The following MCC variants were observed in gnomAD, a reference collection of about 807,000 sequenced individuals.
MCC encodes the protein MCC regulator of Wnt signaling pathway.
A neutral mutation model predicts 116.2 loss-of-function variants in MCC; 90 were observed. The observed-to-expected ratio is 0.77, with a 90% CI of 0.65 to 0.92. The LOEUF (loss-of-function observed/expected upper bound fraction) is 0.92. Ranked by LOEUF, MCC falls within the 40% of genes least tolerant of loss-of-function variation. The pLI is 0.00. For missense variants in MCC, 1,516 were observed against 1,312.2 expected (o/e 1.16, Z -2.40); for synonymous variants, 578 against 510.5 (o/e 1.13, Z -1.78).
At chr5:113,454,479 G>A (rs1389284634) in intron 1 of MCC, among the ~76,000 whole-genome samples, 1 of 152,038 alleles carries the variant, frequency 6.6e-6, no homozygotes, top group Non-Finnish European at 1.5e-5. Context: ...TGATTGCCTT[G>A]AAAAGGTGTC....
In MCC at chr5:113,034,471, AATTGAGGAGCTGCAGG is replaced by A. The variant is rs527689409; in HGVS notation, c.2757-5431_2757-5416del. 1.6e-3 allele frequency among the ~76,000 whole-genome samples: 239 copies of A among 152,332 alleles called. 1 individual carries two copies. The highest frequency in any genetic ancestry group is 3.6e-3 in the Admixed American group (55 of 15,298). On this transcript the variant is annotated intron_variant, in intron 17 of 18. Transcript: ENST00000408903. ...CAGCGGTACTCTGTGATTAGAGTCC[AATTGAGGAGCTGCAGG>A]AGTCATCGGGCGAGAGCCCAGTCTC...
chr5:113,066,652 C>A (rs1276873188), intron 13 of MCC, among the ~76,000 whole-genome samples: 1 of 152,188 alleles, frequency 6.6e-6, no homozygotes, highest in African/African-American at 2.4e-5. Flanking sequence ...AAGGAGGAAA[C>A]ACATGTGAGT....
chr5:113,063,623 T>C (rs1753375732), intron 14 of MCC, among the ~76,000 whole-genome samples: 1 of 152,188 alleles, frequency 6.6e-6, no homozygotes, highest in South Asian at 2.1e-4. Flanking sequence ...AGCAAACGGC[T>C]CTTGGCTACC....
At chr5:113,330,375 C>G (rs1767669931) in intron 3 of MCC, among the ~76,000 whole-genome samples, 1 of 152,198 alleles carries the variant, frequency 6.6e-6, no homozygotes, top group Non-Finnish European at 1.5e-5. Flanking sequence ...ATTCCTGTAC[C>G]TTTTTTCTCC....
chr5:113,342,766 C>T (rs944016640), intron 2 of MCC, among the ~76,000 whole-genome samples: 1 of 152,210 alleles, frequency 6.6e-6, no homozygotes, highest in Non-Finnish European at 1.5e-5. Flanking sequence ...CCTCTAGCTG[C>T]AAGGAAAGCT....
chr5:113,310,084 C>T (rs771203203), intron 3 of MCC, among the ~76,000 whole-genome samples: 66 of 152,170 alleles, frequency 4.3e-4, no homozygotes, highest in Non-Finnish European at 7.9e-4. Context: ...ACTCTTGGCC[C>T]TTCAGAGCCT....
chr5:113,164,358 T>C (rs1760660988), intron 3 of MCC, among the ~76,000 whole-genome samples: 1 of 152,208 alleles, frequency 6.6e-6, no homozygotes. Flanking sequence ...ATTGGTCTAG[T>C]TCCACAAGTA....
At chr5:113,311,554 C>T (rs180964531) in intron 3 of MCC, among the ~76,000 whole-genome samples, 1 of 152,222 alleles carries the variant, frequency 6.6e-6, no homozygotes, top group South Asian at 2.1e-4. Flanking sequence ...CCCTGCCGAC[C>T]TGCAACTGAC....
At chr5:113,054,032 C>A (rs1195329690) in intron 14 of MCC, 73 bp from the exon 15 acceptor site, 2 of 1,047,672 alleles carry the variant, frequency 1.9e-6, no homozygotes, top group South Asian at 1.4e-5. Flanking sequence ...CTTTCCTCCT[C>A]ACTCTTCTCC....
At chr5:113,431,106 G>A (rs924065819) in intron 1 of MCC, among the ~76,000 whole-genome samples, 1 of 152,142 alleles carries the variant, frequency 6.6e-6, no homozygotes, top group African/African-American at 2.4e-5. Context: ...TGCTGAGGGA[G>A]AAAGGAAGGG....
At chr5:113,047,466 G>C (rs1462947706) in intron 16 of MCC, among the ~76,000 whole-genome samples, 3 of 152,234 alleles carry the variant, frequency 2.0e-5, no homozygotes, top group Non-Finnish European at 4.4e-5. Flanking sequence ...GAAGGGTGTA[G>C]CTGTGGCCAT....
intron 8 of MCC, among the ~76,000 whole-genome samples, chr5:113,099,899 C>A (rs941496047): frequency 6.6e-6 from 1 of 152,240 alleles, no homozygotes; most frequent in South Asian, 2.1e-4. Flanking sequence ...CATGCACCAT[C>A]AGAATGCACA....
intron 17 of MCC, among the ~76,000 whole-genome samples, chr5:113,041,304 C>T (rs137999900): frequency 1.1e-4 from 17 of 152,298 alleles, no homozygotes; most frequent in Admixed American, 1.1e-3. Flanking sequence ...TCCCCTCCAA[C>T]CCTAAATCCC....
At chr5:113,224,708 G>T (rs976270872) in intron 3 of MCC, among the ~76,000 whole-genome samples, 5 of 152,156 alleles carry the variant, frequency 3.3e-5, no homozygotes, top group Non-Finnish European at 7.4e-5. Context: ...TGAAAGGTCA[G>T]GAAAAGGACT....
At chr5:113,227,941 C>A (rs1763806422) in intron 3 of MCC, among the ~76,000 whole-genome samples, 1 of 152,172 alleles carries the variant, frequency 6.6e-6, no homozygotes, top group Non-Finnish European at 1.5e-5. Context: ...CCAATGCATC[C>A]TTCTAGTTAA....
chr5:113,216,389 T>C (rs1281190661), intron 3 of MCC, among the ~76,000 whole-genome samples: 1 of 152,210 alleles, frequency 6.6e-6, no homozygotes, highest in Non-Finnish European at 1.5e-5. Context: ...CTTTTTAACC[T>C]GACACGTTCT....
At chr5:113,486,734 T>G (rs1424304536) in intron 1 of MCC, among the ~76,000 whole-genome samples, 1 of 151,700 alleles carries the variant, frequency 6.6e-6, no homozygotes, top group East Asian at 1.9e-4. Context: ...TCCCAGCTAC[T>G]CGGGAAGCTG....
At chr5:113,483,780 A>G (rs1772441342) in intron 1 of MCC, among the ~76,000 whole-genome samples, 1 of 152,170 alleles carries the variant, frequency 6.6e-6, no homozygotes, top group South Asian at 2.1e-4. Flanking sequence ...TAGTAAAGAC[A>G]TGGACTCAAC....
chr5:113,122,749 A>G lies in MCC; in HGVS notation c.962T>C (p.Met321Thr), dbSNP rs759814666. The G allele has an allele frequency of 1.2e-6, 2 of 1,614,082 alleles. No homozygotes were observed. Among genetic ancestry groups the G allele is most frequent in the Admixed American group, 3.3e-5 (2 of 60,014 alleles). The change falls in exon 6 of 19, where the codon ATG (methionine) becomes ACG (threonine). Residue 321 changes from methionine (M) to threonine (T), a missense_variant. Met to Thr is a moderately conservative substitution (Grantham distance 81). Coordinates refer to ENST00000408903, the MANE Select transcript of MCC (RefSeq NM_001085377.2). Reference protein sequence around the residue: ...QHEVNEDSRSMDQDQTSVSIP... With the variant: ...QHEVNEDSRSTDQDQTSVSIP... The stretch of plus-strand genomic sequence containing the variant: ...AGAGACAGAGGTCTGGTCTTGGTCC[A>G]TGCTTCGAGAGTCCTCGTTGACCTC...
Sources: gnomAD v4.1 joint callset for allele counts (sites outside exome capture counted in the v4.1 genomes callset) on GRCh38, gnomAD v4.1.1 for gene constraint, MANE v1.5 for transcripts, NCBI Gene and HGNC (gene_info 2026-07-23, HGNC 2026-07-21) for gene names.